Variants in RAB7A observed in about 807,000 individuals in gnomAD.
RAB7A encodes the protein ras-related protein Rab-7a.
A neutral mutation model predicts 24.5 loss-of-function variants in RAB7A; 2 were observed. That is an observed-to-expected ratio of 0.08 (90% CI 0.03 to 0.26). RAB7A has a LOEUF of 0.26. Ranked by LOEUF, RAB7A falls within the 10% of genes least tolerant of loss-of-function variation. RAB7A has a pLI of 1.00. For synonymous variants in RAB7A, 100 were observed against 95.9 expected, an observed-to-expected ratio of 1.04 and a Z score of -0.25; for missense variants, 118 against 255.7, an observed-to-expected ratio of 0.46 and a Z score of 3.67.
At chr3:128,755,405 G>A in intron 1 of RAB7A, among the ~76,000 whole-genome samples, 1 of 151,684 alleles carries the variant, frequency 6.6e-6, no homozygotes, top group Admixed American at 6.6e-5. Context: ...ATTAAAAAAA[G>A]GATGAAGATC....
chr3:128,737,963 A>G (rs996895658), intron 1 of RAB7A, among the ~76,000 whole-genome samples: 1 of 149,406 alleles, frequency 6.7e-6, no homozygotes, highest in East Asian at 2.0e-4. Flanking sequence ...GGAATGAATC[A>G]CCATGCCCAG....
At chr3:128,772,936 G>A (rs1008137445) in intron 1 of RAB7A, among the ~76,000 whole-genome samples, 16 of 152,150 alleles carry the variant, frequency 1.1e-4, no homozygotes, top group African/African-American at 3.1e-4. Flanking sequence ...ATCTCGGCTC[G>A]CTACAACCTC....
At chr3:128,810,817 G>T (rs1440266914) in intron 5 of RAB7A, among the ~76,000 whole-genome samples, 1 of 151,720 alleles carries the variant, frequency 6.6e-6, no homozygotes, top group East Asian at 1.9e-4. Context: ...ACTTCGGGAG[G>T]CTGAGGCGGG....
intron 1 of RAB7A, among the ~76,000 whole-genome samples, chr3:128,774,444 C>G (rs1933031702): frequency 6.6e-6 from 1 of 151,462 alleles, no homozygotes; most frequent in Non-Finnish European, 1.5e-5. Context: ...ATCTTTTGAA[C>G]TGAAAGGCTC....
At position 128,806,601 on chromosome 3, in the gene RAB7A, A is replaced by G. The variant is rs772810491; in HGVS notation, c.399+11A>G. ...CTCGAAAACAGACAAGTAAGTACCA[A>G]CGATGATAGATATTGTCACAGACAC... On this transcript the variant is annotated intron_variant, in intron 4 of 5. Transcript: ENST00000265062. 1.4e-5 allele frequency: 23 copies of G among 1,606,536 alleles called. No homozygotes were observed. In the South Asian group the frequency reaches 1.9e-4, roughly 13 times the overall value.
chr3:128,783,692 C>G (rs1228808132), intron 1 of RAB7A, among the ~76,000 whole-genome samples: 1 of 152,202 alleles, frequency 6.6e-6, no homozygotes, highest in Non-Finnish European at 1.5e-5. Flanking sequence ...TGCGCCACCC[C>G]CCTGATGCTT....
chr3:128,734,937 C>A (rs1055804639), intron 1 of RAB7A, among the ~76,000 whole-genome samples: 5 of 152,116 alleles, frequency 3.3e-5, no homozygotes, highest in African/African-American at 7.2e-5. Context: ...TATTACTAAG[C>A]TTTTGTTTAA....
rs4857922 is a variant in RAB7A at position 128,742,972 on chromosome 3, C to G, written c.-9+16613C>G. Among the ~76,000 whole-genome samples the G allele has an allele frequency of 3.1e-3, 475 of 152,354 alleles. 4 individuals carry two copies. The highest frequency in any genetic ancestry group is 5.0e-3 in the South Asian group (24 of 4,834). Reference sequence around the variant, plus strand: ...GCCGATGGGACCAGGCGCTGCAGAGCAGGGGGCGGTGCCCGTCGGGGAGGC... The same window carrying G: ...GCCGATGGGACCAGGCGCTGCAGAGGAGGGGGCGGTGCCCGTCGGGGAGGC... On this transcript the variant is annotated intron_variant, in intron 1 of 5. Coordinates refer to ENST00000265062, the MANE Select transcript of RAB7A (RefSeq NM_004637.6).
chr3:128,730,060 C>G (rs2070419396), intron 1 of RAB7A, among the ~76,000 whole-genome samples: 1 of 152,260 alleles, frequency 6.6e-6, no homozygotes, highest in South Asian at 2.1e-4. Flanking sequence ...TTACCACATG[C>G]TTATCTGTTA....
rs1387269415 is a variant in RAB7A at position 128,814,333 on chromosome 3, C to T, written c.*911C>T. 3 of 152,700 alleles carry T rather than the reference C, an allele frequency of 2.0e-5. No homozygotes were observed. Among genetic ancestry groups the T allele is most frequent in the Non-Finnish European group, 2.9e-5 (2 of 68,052 alleles). 9.5% of individuals were successfully genotyped at this position (152,700 alleles called of 1,614,324 possible). On this transcript the variant is annotated 3_prime_UTR_variant, in exon 6 of 6. Coordinates refer to ENST00000265062, the MANE Select transcript of RAB7A (RefSeq NM_004637.6). ...CCTTCTGTGTCTAAATTTTCCAAAA[C>T]GTTGATTTGCATAATACAGTGGTAT...
intron 1 of RAB7A, among the ~76,000 whole-genome samples, chr3:128,749,655 A>G (rs2070656129): frequency 6.6e-6 from 1 of 152,104 alleles, no homozygotes; most frequent in Admixed American, 6.5e-5. Flanking sequence ...TGCTGTTCTC[A>G]TGATAGTGGA....
At chr3:128,794,006 G>T (rs953667627) in intron 1 of RAB7A, among the ~76,000 whole-genome samples, 1 of 152,214 alleles carries the variant, frequency 6.6e-6, no homozygotes, top group Non-Finnish European at 1.5e-5. Context: ...TTTCAAGAGC[G>T]TAGGCCTTCT....
rs1933983654 is a variant in RAB7A, at chr3:128,813,907, A to T, written c.*485A>T. 4.2e-6 allele frequency: 1 copy of T among 238,692 alleles called. No individual in the cohort carries two copies. The highest frequency in any genetic ancestry group is 5.1e-5 in the Admixed American group (1 of 19,698). 14.8% of individuals were successfully genotyped at this position (238,692 alleles called of 1,614,324 possible). ...TACCCCTTGGGAAGGCTGGTGCCCC[A>T]TGCCCCATTACAGGCTCACACCCAG... is the stretch of plus-strand genomic sequence containing the variant. On this transcript the variant is annotated 3_prime_UTR_variant, in exon 6 of 6. Coordinates refer to ENST00000265062, the MANE Select transcript of RAB7A (RefSeq NM_004637.6).
chr3:128,749,923 T>C (rs2070660215), intron 1 of RAB7A, among the ~76,000 whole-genome samples: 1 of 152,280 alleles, frequency 6.6e-6, no homozygotes, highest in East Asian at 1.9e-4. Context: ...GGGGTGCTGC[T>C]GAAAAGATAA....
At chr3:128,743,419 C>T (rs531886106) in intron 1 of RAB7A, among the ~76,000 whole-genome samples, 5 of 152,336 alleles carry the variant, frequency 3.3e-5, no homozygotes, top group Admixed American at 6.5e-5. Context: ...CCAGAGCAGA[C>T]GCCGAGGCCG....
At chr3:128,769,946 GTC>G (rs2070868545) in intron 1 of RAB7A, among the ~76,000 whole-genome samples, 1 of 151,486 alleles carries the variant, frequency 6.6e-6, no homozygotes, top group Non-Finnish European at 1.5e-5. Flanking sequence ...TGGGTATTCT[GTC>G]TCTCTTGATT....
At chr3:128,758,266 G>GTTT (rs1261789868) in intron 1 of RAB7A, among the ~76,000 whole-genome samples, 4 of 124,394 alleles carry the variant, frequency 3.2e-5, no homozygotes, top group South Asian at 5.3e-4. Context: ...CCCAGTGTTT[G>GTTT]TTTTTTTGTT....
intron 1 of RAB7A, among the ~76,000 whole-genome samples, chr3:128,728,588 G>A (rs535811360): frequency 6.6e-6 from 1 of 152,146 alleles, no homozygotes; most frequent in African/African-American, 2.4e-5. Flanking sequence ...TCAGCCTCCC[G>A]AGTGGCTGGA....
rs1933975157 is a variant in RAB7A at position 128,813,595 on chromosome 3, A to G, written c.*173A>G. 2 of 590,782 alleles carry G rather than the reference A, an allele frequency of 3.4e-6. No individual in the cohort carries two copies. The highest frequency in any genetic ancestry group is 1.6e-5 in the South Asian group (1 of 61,124). The allele number at this position is 590,782 out of a possible 1,614,324, so 36.6% of individuals were successfully genotyped here. On this transcript the variant is annotated 3_prime_UTR_variant, in exon 6 of 6. Coordinates refer to ENST00000265062, the MANE Select transcript of RAB7A (RefSeq NM_004637.6). Reference sequence around the variant, plus strand: ...CACCCCACATATCTCTCACACACACACACACACGCACACACACACACACAG... The same window carrying G: ...CACCCCACATATCTCTCACACACACGCACACACGCACACACACACACACAG...
Sources: gnomAD v4.1 joint callset for allele counts (sites outside exome capture counted in the v4.1 genomes callset) on GRCh38, gnomAD v4.1.1 for gene constraint, MANE v1.5 for transcripts, NCBI Gene and HGNC (gene_info 2026-07-23, HGNC 2026-07-21) for gene names.